The following GMDS variants were observed in gnomAD, a reference collection of about 807,000 sequenced individuals.
The protein encoded by GMDS is GDP-mannose 4,6-dehydratase.
Under a neutral mutation model 49.9 loss-of-function variants are expected in GMDS, and 20 were observed. The observed-to-expected ratio is 0.40, with a 90% CI of 0.28 to 0.58. GMDS has a LOEUF of 0.58. Among genes scored for constraint, GMDS ranks in the 20% least tolerant of loss-of-function variants. GMDS has a pLI of 0.42. For missense variants in GMDS, 362 were observed against 481.4 expected (o/e 0.75, Z 2.32); for synonymous variants, 177 against 178.6 (o/e 0.99, Z 0.07).
chr6:1,833,105 G>A lies in GMDS; in HGVS notation c.772-90519C>T, dbSNP rs1041934733. On this transcript the variant is annotated intron_variant, in intron 7 of 10. Transcript: ENST00000380815. The surrounding 1 kb of genome is among the most constrained non-coding windows in gnomAD (Gnocchi z 4.4). ...CGCTGGACCTGTGCCCAGCTCACCC[G>A]GCAGTGGAGCGTATGAAAGCCTTTT... 4.6e-5 allele frequency among the ~76,000 whole-genome samples: 7 copies of A among 150,838 alleles called. No individual in the cohort carries two copies. Among genetic ancestry groups the A allele is most frequent in the Admixed American group, 1.3e-4 (2 of 15,084 alleles).
At chr6:1,744,360 T>A (rs1767402293) in intron 7 of GMDS, among the ~76,000 whole-genome samples, 1 of 152,178 alleles carries the variant, frequency 6.6e-6, no homozygotes, top group Non-Finnish European at 1.5e-5. Flanking sequence ...CGAGAAGACA[T>A]ATTTGTTCAC....
intron 1 of GMDS, among the ~76,000 whole-genome samples, chr6:2,240,616 A>AAAAAG (rs1561683854): frequency 7.3e-5 from 11 of 150,816 alleles, no homozygotes; most frequent in East Asian, 1.9e-4. Context: ...AAAAAAAAAA[A>AAAAAG]AAAAGAAAAG....
chr6:2,046,214 A>C lies in GMDS; in HGVS notation c.345+69557T>G, dbSNP rs1446532011. ...GGCAACAGAGCAAGAGCCTGTCTCAAAAAAGTAAAATAAAATCATAGACTA... is the reference window on the plus strand; with the variant it reads ...GGCAACAGAGCAAGAGCCTGTCTCACAAAAGTAAAATAAAATCATAGACTA... On this transcript the variant is annotated intron_variant, in intron 4 of 10. Coordinates refer to ENST00000380815, the MANE Select transcript of GMDS (RefSeq NM_001500.4). Among the ~76,000 whole-genome samples, 5 of 152,330 alleles carry C rather than the reference A, an allele frequency of 3.3e-5. No homozygotes were observed. In the East Asian group the frequency reaches 5.8e-4, roughly 18 times the overall value.
chr6:1,846,809 C>T (rs1757434838), intron 7 of GMDS, among the ~76,000 whole-genome samples: 1 of 152,182 alleles, frequency 6.6e-6, no homozygotes, highest in South Asian at 2.1e-4. Flanking sequence ...AGGTATTTTA[C>T]AAACACTTAG....
intron 7 of GMDS, among the ~76,000 whole-genome samples, chr6:1,805,441 G>A (rs1453740438): frequency 6.6e-6 from 1 of 152,180 alleles, no homozygotes; most frequent in Admixed American, 6.5e-5. Context: ...TAACAGTACA[G>A]GGCAGCAGTT....
At chr6:2,063,489 T>G (rs1422320348) in intron 4 of GMDS, among the ~76,000 whole-genome samples, 3 of 152,218 alleles carry the variant, frequency 2.0e-5, no homozygotes, top group Non-Finnish European at 2.9e-5. Context: ...TGGGAAACTA[T>G]GTAAAAACAA....
In GMDS at chr6:2,191,012, G is replaced by C. The variant is rs1778989653; in HGVS notation, c.102+54309C>G. ...ACAACTGCTGCGGGGAGGGCACCAG[G>C]AGGAGGCAGCACTGGGGGACCCAGG... On this transcript the variant is annotated intron_variant, in intron 1 of 10. Transcript: ENST00000380815. The surrounding 1 kb of genome is among the most constrained non-coding windows in gnomAD (Gnocchi z 4.6). Among the ~76,000 whole-genome samples, 1 of 152,134 alleles carries C rather than the reference G, an allele frequency of 6.6e-6. No individual in the cohort carries two copies. Among genetic ancestry groups the C allele is most frequent in the Non-Finnish European group, 1.5e-5 (1 of 67,998 alleles).
chr6:1,884,367 G>C (rs1336273425), intron 7 of GMDS, among the ~76,000 whole-genome samples: 40 of 152,208 alleles, frequency 2.6e-4, no homozygotes, highest in Admixed American at 2.6e-3. Context: ...CTAAGGGGAG[G>C]AAATGATGTA....
At chr6:1,827,993 C>T (rs1771200687) in intron 7 of GMDS, among the ~76,000 whole-genome samples, 1 of 151,786 alleles carries the variant, frequency 6.6e-6, no homozygotes, top group African/African-American at 2.4e-5. Flanking sequence ...TTGGACTTAC[C>T]AGATAAATAA....
chr6:1,637,446 C>T (rs185355575), intron 9 of GMDS, among the ~76,000 whole-genome samples: 6 of 152,382 alleles, frequency 3.9e-5, no homozygotes, highest in Non-Finnish European at 7.3e-5. Flanking sequence ...CGTGAAGGCA[C>T]GGCTGGACTT....
intron 4 of GMDS, among the ~76,000 whole-genome samples, chr6:2,107,058 T>G (rs576016998): frequency 2.6e-5 from 4 of 152,184 alleles, no homozygotes; most frequent in Non-Finnish European, 5.9e-5. Context: ...GGATTTTATT[T>G]AGTAAACAAG....
At chr6:1,999,954 G>GTATATTATATATATATTTTATATA (rs1766586247) in intron 4 of GMDS, among the ~76,000 whole-genome samples, 1 of 12,278 alleles carries the variant, frequency 8.1e-5, no homozygotes, top group African/African-American at 2.0e-4. Context: ...TATATAATAT[G>GTATATTATATATATATTTTATATA]TATATTATAT....
intron 6 of GMDS, among the ~76,000 whole-genome samples, chr6:1,931,631 A>T (rs1409110683): frequency 6.6e-6 from 1 of 152,068 alleles, no homozygotes; most frequent in Non-Finnish European, 1.5e-5. Context: ...AATTTTAAAA[A>T]TTTTTCTATT....
intron 7 of GMDS, among the ~76,000 whole-genome samples, chr6:1,751,173 C>T (rs1235471097): frequency 6.6e-6 from 1 of 152,196 alleles, no homozygotes; most frequent in African/African-American, 2.4e-5. Context: ...TTCCTGCCTG[C>T]CGGCTCTGAA....
chr6:1,854,641 T>G (rs1234006422), intron 7 of GMDS, among the ~76,000 whole-genome samples: 4 of 152,140 alleles, frequency 2.6e-5, no homozygotes. Flanking sequence ...AGTACCACAT[T>G]GCAGAGCCAT....
chr6:2,154,657 TTGAC>T (rs1279500282), intron 1 of GMDS, among the ~76,000 whole-genome samples: 1 of 151,992 alleles, frequency 6.6e-6, no homozygotes, highest in Non-Finnish European at 1.5e-5. Context: ...CGTTGTTCTC[TTGAC>T]TAATTCTAGG....
chr6:1,659,250 T>G (rs1316436155), intron 9 of GMDS, among the ~76,000 whole-genome samples: 1 of 151,526 alleles, frequency 6.6e-6, no homozygotes, highest in African/African-American at 2.4e-5. Flanking sequence ...ATGTTTTACA[T>G]ATCATAAAAT....
intron 4 of GMDS, among the ~76,000 whole-genome samples, chr6:2,068,457 G>A (rs1312043073): frequency 6.6e-6 from 1 of 152,106 alleles, no homozygotes; most frequent in Admixed American, 6.5e-5. Flanking sequence ...ATTCAATTAG[G>A]AAAAGAGGAA....
chr6:1,659,202 G>A (rs926848724), intron 9 of GMDS, among the ~76,000 whole-genome samples: 61 of 151,398 alleles, frequency 4.0e-4, no homozygotes, highest in African/African-American at 1.4e-3. Context: ...GCTCTTCGGT[G>A]GCAGGGCCTT....
Sources: gnomAD v4.1 joint callset for allele counts (sites outside exome capture counted in the v4.1 genomes callset) on GRCh38, gnomAD v4.1.1 for gene constraint, Gnocchi (gnomAD v3.1) non-coding constraint, MANE v1.5 for transcripts, NCBI Gene and HGNC (gene_info 2026-07-23, HGNC 2026-07-21) for gene names.